NLRP5: variants seen among roughly 807,000 people sequenced by gnomAD.
NLRP5 encodes NACHT, LRR and PYD domains-containing protein 5.
Under a neutral mutation model 113.1 loss-of-function variants are expected in NLRP5, and 93 were observed. The ratio of observed to expected loss-of-function variants is 0.82; its 90% CI spans 0.70 to 0.98. The LOEUF is 0.98. NLRP5 is among the 50% of genes least tolerant of loss of function. The probability of loss-of-function intolerance (pLI) is 0.00; values close to 1 mark genes in which losing one functional copy is unlikely to be tolerated. For missense variants in NLRP5, 1,808 were observed against 1,514.3 expected, an observed-to-expected ratio of 1.19 and a Z score of -3.22; for synonymous variants, 751 against 600.7, an observed-to-expected ratio of 1.25 and a Z score of -3.66.
intron 3 of NLRP5, among the ~76,000 whole-genome samples, chr19:56,013,424 C>T (rs547831394): frequency 6.6e-6 from 1 of 151,920 alleles, no homozygotes; most frequent in South Asian, 2.1e-4. Context: ...GATATCCTGA[C>T]CTTGTGATCT....
At chr19:56,024,225 G>A (rs977345304) in intron 6 of NLRP5, among the ~76,000 whole-genome samples, 1 of 150,714 alleles carries the variant, frequency 6.6e-6, no homozygotes. Context: ...CAGGTGGGCC[G>A]GGCACAGTGG....
At chr19:56,022,409 AG>A (rs974893465) in intron 6 of NLRP5, among the ~76,000 whole-genome samples, 6 of 151,560 alleles carry the variant, frequency 4.0e-5, no homozygotes, top group South Asian at 2.1e-4. Context: ...TATAGAAAGG[AG>A]GGGGCAGGGG....
intron 5 of NLRP5, among the ~76,000 whole-genome samples, chr19:56,019,688 A>G (rs1982540659): frequency 7.2e-6 from 1 of 139,350 alleles, no homozygotes; most frequent in Admixed American, 7.1e-5. Flanking sequence ...TGTTAAACAT[A>G]TGGCCAAGAG....
intron 3 of NLRP5, among the ~76,000 whole-genome samples, chr19:56,013,911 C>A (rs1292152124): frequency 6.6e-6 from 1 of 152,158 alleles, no homozygotes; most frequent in Non-Finnish European, 1.5e-5. Context: ...TAATTATGTT[C>A]AGAATCTTTT....
At chr19:56,061,294 A>G (rs1984343499) in intron 14 of NLRP5, 102 bp from the exon 15 acceptor site, 1 of 1,322,702 alleles carries the variant, frequency 7.6e-7, no homozygotes, top group Admixed American at 2.5e-5. Context: ...TAAGAGTACA[A>G]GAAAAGGTTT....
chr19:56,058,152 A>C (rs1415591547), intron 13 of NLRP5, 88 bp from the exon 14 acceptor site: 2 of 1,020,610 alleles, frequency 2.0e-6, no homozygotes. Flanking sequence ...TTCCCAAAGA[A>C]AAAGTATCAA....
chr19:55,995,589 A>C (rs1248129399), upstream of NLRP5, among the ~76,000 whole-genome samples: 1 of 152,130 alleles, frequency 6.6e-6, no homozygotes, highest in Non-Finnish European at 1.5e-5. Flanking sequence ...TTGTGGTTCT[A>C]TACAAATATT....
the NLRP5 span, among the ~76,000 whole-genome samples, chr19:55,992,002 T>G: frequency 7.9e-5 from 12 of 152,244 alleles, no homozygotes; most frequent in South Asian, 2.5e-3. Flanking sequence ...GTTATTTCTT[T>G]CTGCTTCTCA....
chr19:56,039,871 G>C (rs145666878), intron 10 of NLRP5, among the ~76,000 whole-genome samples: 2 of 152,062 alleles, frequency 1.3e-5, no homozygotes, highest in African/African-American at 4.8e-5. Flanking sequence ...CCAAGGTCAC[G>C]CCATTGCACT....
rs1982933045 is a variant in NLRP5, at chr19:56,027,868, G to GTT, written c.1637_1638dup (p.Asp547LeufsTer22). ...AGGGAGTGTGGAATAGGAAGTCAGT[G>GTT]TTTGACGGTGACGACCTCATGGTTC... On this transcript the variant is annotated frameshift_variant, in exon 7 of 15. Coordinates refer to ENST00000390649, the MANE Select transcript of NLRP5 (RefSeq NM_153447.4). LOFTEE classifies it high-confidence loss of function. The GTT allele has an allele frequency of 6.2e-7, 1 of 1,613,826 alleles. No homozygotes were observed.
intron 7 of NLRP5, among the ~76,000 whole-genome samples, chr19:56,030,714 C>CTTTTTTTTTTTTTTTTTTGTTTT (rs1983069934): frequency 1.4e-5 from 1 of 71,350 alleles, no homozygotes; most frequent in African/African-American, 7.2e-5. Context: ...CTTTCTTCTT[C>CTTTTTTTTTTTTTTTTTTGTTTT]TTTTTTTTTT....
chr19:56,027,048 C>G lies in NLRP5; in HGVS notation c.815C>G (p.Ser272Ter), dbSNP rs373772450. The G allele has an allele frequency of 2.6e-6, 4 of 1,553,716 alleles. No homozygotes were observed. Among genetic ancestry groups the G allele is most frequent in the Admixed American group, 2.0e-5 (1 of 51,080 alleles). Reference sequence around the variant, plus strand: ...CAAACGTTGGCTGGTGCTTTTGATTCAGACCGGTGGGGCTTCCGGCCTCGC... The same window carrying G: ...CAAACGTTGGCTGGTGCTTTTGATTGAGACCGGTGGGGCTTCCGGCCTCGC... Residue 272 changes from serine to a stop codon, truncating the protein, a stop_gained, in exon 7 of 15, where the codon TCA becomes TGA. Transcript: ENST00000390649. LOFTEE classifies it high-confidence loss of function.
intron 6 of NLRP5, among the ~76,000 whole-genome samples, chr19:56,025,356 G>T (rs1259995492): frequency 1.3e-5 from 2 of 149,218 alleles, no homozygotes; most frequent in African/African-American, 4.9e-5. Flanking sequence ...TTCCAGGCGG[G>T]ATCTGTTTGA....
At position 56,027,164 on chromosome 19, in the gene NLRP5, G is replaced by T; in HGVS notation, c.931G>T (p.Gly311Ter). 1 of 1,605,342 alleles carries T rather than the reference G, an allele frequency of 6.2e-7. No individual in the cohort carries two copies. ...CTGGGCGCAAGGTGGACTCTACCAGGGAATGTTCTCCTACGTCTTCTTCCT... is the reference window on the plus strand; with the variant it reads ...CTGGGCGCAAGGTGGACTCTACCAGTGAATGTTCTCCTACGTCTTCTTCCT... Residue 311 changes from glycine to a stop codon, truncating the protein, a stop_gained, in exon 7 of 15, where the codon GGA becomes TGA. Transcript: ENST00000390649. LOFTEE classifies it high-confidence loss of function.
intron 1 of NLRP5, among the ~76,000 whole-genome samples, chr19:56,002,932 C>T (rs577992596): frequency 9.9e-5 from 15 of 151,992 alleles, no homozygotes; most frequent in South Asian, 4.2e-4. Context: ...ACTAGAATGG[C>T]GATCATTAAA....
chr19:56,010,742 C>CCAAAAAAA lies in NLRP5; in HGVS notation c.508+1889_508+1890insCAAAAAAA, dbSNP rs1555764914. The stretch of plus-strand genomic sequence containing the variant: ...GGGAAACAAGAGCTTAACTCTGTCT[C>CCAAAAAAA]AAAAAAAAAAAAAGTCCCTTGAAAC... On this transcript the variant is annotated intron_variant, in intron 3 of 14. Coordinates refer to ENST00000390649, the MANE Select transcript of NLRP5 (RefSeq NM_153447.4). Among the ~76,000 whole-genome samples, 8 of 41,276 alleles carry CCAAAAAAA rather than the reference C, an allele frequency of 1.9e-4. 1 individual carries two copies. The highest frequency in any genetic ancestry group is 1.2e-3 in the East Asian group (1 of 824). The allele number at this position is 41,276 out of a possible 152,430, so 27.1% of individuals were successfully genotyped here.
At chr19:56,039,093 C>A (rs763806425) in intron 10 of NLRP5, among the ~76,000 whole-genome samples, 1 of 152,122 alleles carries the variant, frequency 6.6e-6, no homozygotes, top group African/African-American at 2.4e-5. Context: ...TCCCTCCAAC[C>A]CTTCCTCGCT....
At chr19:56,059,621 G>A (rs999241458) in intron 14 of NLRP5, among the ~76,000 whole-genome samples, 5 of 152,168 alleles carry the variant, frequency 3.3e-5, no homozygotes, top group Admixed American at 6.5e-5. Flanking sequence ...TGCAACCTCC[G>A]TCTCGCAGGT....
the NLRP5 span, chr19:55,987,927 C>G: frequency 6.3e-7 from 1 of 1,584,616 alleles, no homozygotes; most frequent in Non-Finnish European, 8.7e-7. Context: ...GTCCAGTCAT[C>G]TTTCTCTGGG....
Sources: gnomAD v4.1 joint callset for allele counts (sites outside exome capture counted in the v4.1 genomes callset) on GRCh38, gnomAD v4.1.1 for gene constraint, MANE v1.5 for transcripts, NCBI Gene and HGNC (gene_info 2026-07-23, HGNC 2026-07-21) for gene names.